ACOT13: variants seen among roughly 807,000 people sequenced by gnomAD.
The protein encoded by ACOT13 is acyl-coenzyme A thioesterase 13.
ACOT13 carries 10 observed loss-of-function variants against 11.8 expected under a neutral mutation model. The observed-to-expected ratio is 0.85, with a 90% CI of 0.53 to 1.44. ACOT13 has a LOEUF of 1.44. ACOT13 is among the 40% of genes most tolerant of loss of function. The probability of loss-of-function intolerance (pLI) is 0.00; values close to 1 mark genes in which losing one functional copy is unlikely to be tolerated. For synonymous variants in ACOT13, 53 were observed against 61.0 expected (o/e 0.87, Z 0.61); for missense variants, 172 against 174.1 (o/e 0.99, Z 0.07).
Position 24,697,982 on chromosome 6 carries a change from G to A in ACOT13, c.181G>A (p.Ala61Thr). The A allele has an allele frequency of 6.2e-7, 1 of 1,613,998 alleles. No individual in the cohort carries two copies. Among genetic ancestry groups the A allele is most frequent in the East Asian group, 2.2e-5 (1 of 44,874 alleles). ...AGGCACTCTCCACGGCGGTTTGACA[G>A]CCACGTTAGTAGATAACATATCAAC... The part of the protein sequence containing the change: ...AIGTLHGGLT[A>T]TLVDNISTMA... The change falls in exon 2 of 3, where the codon GCC becomes ACC. Residue 61 changes from alanine to threonine, a missense_variant. By Grantham distance (58) the Ala-to-Thr change is moderately conservative. Transcript: ENST00000230048.
At chr6:24,692,289 G>C (rs1300986304) in intron 1 of ACOT13, among the ~76,000 whole-genome samples, 1 of 152,082 alleles carries the variant, frequency 6.6e-6, no homozygotes, top group Admixed American at 6.5e-5. Context: ...GGCTGCCAAG[G>C]GTCCTTTGAG....
rs1485662887 is a variant in ACOT13, at chr6:24,670,293, T to C, written c.81+2949T>C. On this transcript the variant is annotated intron_variant, in intron 1 of 2. Coordinates refer to ENST00000230048, the MANE Select transcript of ACOT13 (RefSeq NM_018473.4). ...AAGGAATCTCAGATAAGATTCTTTT[T>C]AAAGCCAAGCTCAGCCATGGATTTG... is the stretch of plus-strand genomic sequence containing the variant. 2.0e-5 allele frequency among the ~76,000 whole-genome samples: 3 copies of C among 152,240 alleles called. No individual in the cohort carries two copies. In the East Asian group the frequency reaches 5.8e-4, roughly 29 times the overall value.
intron 1 of ACOT13, among the ~76,000 whole-genome samples, chr6:24,691,854 A>G (rs1487831809): frequency 6.6e-6 from 1 of 152,220 alleles, no homozygotes; most frequent in African/African-American, 2.4e-5. Context: ...TCATAAATTG[A>G]GATACTTTCA....
At chr6:24,698,601 C>T (rs918724623) in intron 2 of ACOT13, among the ~76,000 whole-genome samples, 1 of 151,298 alleles carries the variant, frequency 6.6e-6, no homozygotes, top group Non-Finnish European at 1.5e-5. Context: ...TTCATATACA[C>T]ATTATAATCT....
At chr6:24,686,288 A>C (rs761043465) in intron 1 of ACOT13, among the ~76,000 whole-genome samples, 4 of 152,166 alleles carry the variant, frequency 2.6e-5, no homozygotes, top group Non-Finnish European at 4.4e-5. Context: ...CTTTTTTAAA[A>C]ATTTTGGTAA....
chr6:24,699,268 GGT>G (rs1778852563), intron 2 of ACOT13, among the ~76,000 whole-genome samples: 1 of 148,424 alleles, frequency 6.7e-6, no homozygotes, highest in African/African-American at 2.5e-5. Context: ...GGAGTGCAGT[GGT>G]GCAGTCTCGG....
At position 24,687,705 on chromosome 6, in the gene ACOT13, A is replaced by ATTT. The variant is rs3033242; in HGVS notation, c.82-10157_82-10155dup. 4,916 of 1,278,420 alleles carry ATTT rather than the reference A, an allele frequency of 3.8e-3. 3 individuals carry two copies. The highest frequency in any genetic ancestry group is 0.02 in the South Asian group (1,134 of 56,710). 79.2% of individuals were successfully genotyped at this position (1,278,420 alleles called of 1,614,324 possible). A position where few individuals can be genotyped will look rare whatever the true frequency, so the allele number is the denominator to read the frequency against. ...AAATGGTTAGAAAGGTAAGAATAGAATTTTTTTTTTTTTTTTTTTTTTTGA... is the reference window on the plus strand; with the variant it reads ...AAATGGTTAGAAAGGTAAGAATAGAATTTTTTTTTTTTTTTTTTTTTTTTTTGA... On this transcript the variant is annotated intron_variant, in intron 1 of 2. Transcript: ENST00000230048.
At chr6:24,675,791 A>G (rs1419140745) in intron 1 of ACOT13, among the ~76,000 whole-genome samples, 2 of 152,300 alleles carry the variant, frequency 1.3e-5, no homozygotes, top group East Asian at 1.9e-4. Flanking sequence ...TGTTTTAGAC[A>G]TGAAGTCTTT....
intron 1 of ACOT13, among the ~76,000 whole-genome samples, chr6:24,682,470 A>G (rs1174823313): frequency 6.6e-6 from 1 of 152,202 alleles, no homozygotes; most frequent in Non-Finnish European, 1.5e-5. Context: ...TAGCTCTATT[A>G]GAAGACATGG....
chr6:24,694,335 T>C (rs1778762898), intron 1 of ACOT13, among the ~76,000 whole-genome samples: 1 of 152,180 alleles, frequency 6.6e-6, no homozygotes, highest in Non-Finnish European at 1.5e-5. Context: ...CAGAACCCAG[T>C]TGTCTGTAGC....
intron 1 of ACOT13, among the ~76,000 whole-genome samples, chr6:24,668,033 C>T (rs895000856): frequency 1.3e-5 from 2 of 152,066 alleles, no homozygotes; most frequent in East Asian, 1.9e-4. Context: ...CTCAGCCTCC[C>T]GAGTGGCTGG....
intron 1 of ACOT13, among the ~76,000 whole-genome samples, chr6:24,670,713 T>C (rs777484840): frequency 2.0e-5 from 3 of 152,188 alleles, no homozygotes; most frequent in South Asian, 2.1e-4. Flanking sequence ...ATTTTGTTGA[T>C]TGGAGTATAC....
chr6:24,695,045 A>G (rs1164780833), intron 1 of ACOT13, among the ~76,000 whole-genome samples: 1 of 152,184 alleles, frequency 6.6e-6, no homozygotes, highest in Non-Finnish European at 1.5e-5. Context: ...GCGGTGGCTC[A>G]TGCCTGTAAT....
intron 1 of ACOT13, among the ~76,000 whole-genome samples, chr6:24,681,437 C>G (rs1582437881): frequency 6.6e-6 from 1 of 152,324 alleles, no homozygotes; most frequent in East Asian, 1.9e-4. Flanking sequence ...TAGAGAAGAC[C>G]TTCAATTATC....
At chr6:24,699,989 GTAAA>G (rs1435147781) in intron 2 of ACOT13, among the ~76,000 whole-genome samples, 1 of 152,176 alleles carries the variant, frequency 6.6e-6, no homozygotes, top group African/African-American at 2.4e-5. Flanking sequence ...TATTTCAAAA[GTAAA>G]TGAATAATGT....
At chr6:24,691,364 C>T (rs566675533) in intron 1 of ACOT13, among the ~76,000 whole-genome samples, 1 of 152,224 alleles carries the variant, frequency 6.6e-6, no homozygotes, top group South Asian at 2.1e-4. Flanking sequence ...CATCAGTGAA[C>T]ACAACTGACA....
intron 1 of ACOT13, among the ~76,000 whole-genome samples, chr6:24,669,781 T>C (rs1272120038): frequency 5.3e-5 from 8 of 152,030 alleles, no homozygotes; most frequent in Non-Finnish European, 1.0e-4. Context: ...TCCTGGAAAA[T>C]ATACATAGGC....
chr6:24,698,028 A>G lies in ACOT13; in HGVS notation c.227A>G (p.Glu76Gly), dbSNP rs1778826649. Reference sequence around the variant, plus strand: ...TCAACAATGGCTCTGCTATGCACGGAAAGGGGAGCACCCGGAGTCAGTGTC... The same window carrying G: ...TCAACAATGGCTCTGCTATGCACGGGAAGGGGAGCACCCGGAGTCAGTGTC... ...NISTMALLCT[E>G]RGAPGVSVDM... is the part of the protein sequence containing the mutation. The change falls in exon 2 of 3, where the codon GAA becomes GGA. Residue 76 changes from glutamate (E) to glycine (G), a missense_variant. Physicochemically the swap from Glu to Gly is moderately conservative, Grantham distance 98 (BLOSUM62 -2). Transcript: ENST00000230048. 1 of 1,611,708 alleles carries G rather than the reference A, an allele frequency of 6.2e-7. No individual in the cohort carries two copies. The highest frequency in any genetic ancestry group is 1.3e-5 in the African/African-American group (1 of 74,842).
rs536908717 is a variant in ACOT13, at chr6:24,693,144, G to A, written c.82-4739G>A. On this transcript the variant is annotated intron_variant, in intron 1 of 2. Transcript: ENST00000230048. The stretch of plus-strand genomic sequence containing the variant: ...ACACACAAAGTTAGCAACATCCATG[G>A]TCAGGGAAAATTGCTTGAAAACAGC... 2.0e-4 allele frequency among the ~76,000 whole-genome samples: 30 copies of A among 152,290 alleles called. No homozygotes were observed. The South Asian group carries it at 2.9e-3, about 15-fold the overall frequency.
Sources: allele counts gnomAD v4.1 joint callset (sites outside exome capture counted in the v4.1 genomes callset), GRCh38; gene constraint gnomAD v4.1.1; transcripts MANE v1.5; gene names NCBI Gene and HGNC (gene_info 2026-07-23, HGNC 2026-07-21).